Variants in RAB6B observed in about 807,000 individuals in gnomAD.
The protein encoded by RAB6B is ras-related protein Rab-6B.
In RAB6B, 7 loss-of-function variants were observed where a neutral mutation model predicts 31.2. The observed-to-expected ratio is 0.22, with a 90% CI of 0.13 to 0.42. RAB6B has a LOEUF of 0.42. Among genes scored for constraint, RAB6B ranks in the 10% least tolerant of loss-of-function variants. The pLI is 1.00. For missense variants in RAB6B, 149 were observed against 280.6 expected (o/e 0.53, Z 3.35); for synonymous variants, 105 against 104.9 (o/e 1.00, Z -0.01).
chr3:133,859,096 A>T (rs1936124264), intron 2 of RAB6B, among the ~76,000 whole-genome samples: 1 of 152,102 alleles, frequency 6.6e-6, no homozygotes, highest in African/African-American at 2.4e-5. Context: ...CTCCCATCTC[A>T]GCCTCCTGAG....
At chr3:133,863,091 G>A (rs1936186935) in intron 2 of RAB6B, among the ~76,000 whole-genome samples, 1 of 152,152 alleles carries the variant, frequency 6.6e-6, no homozygotes, top group Non-Finnish European at 1.5e-5. Flanking sequence ...GGCCCAGAGA[G>A]GATACAACAA....
chr3:133,888,942 G>A (rs759509696), intron 1 of RAB6B, among the ~76,000 whole-genome samples: 11 of 152,136 alleles, frequency 7.2e-5, no homozygotes, highest in South Asian at 2.1e-4. Context: ...ATTTCAGGGC[G>A]TGTCTGGTAC....
chr3:133,857,534 C>G (rs967567995), intron 2 of RAB6B, among the ~76,000 whole-genome samples: 1 of 152,072 alleles, frequency 6.6e-6, no homozygotes, highest in African/African-American at 2.4e-5. Context: ...GATCCTGTCC[C>G]ATCTCCCCCA....
chr3:133,856,288 C>T (rs1443363320), intron 2 of RAB6B, among the ~76,000 whole-genome samples: 1 of 151,842 alleles, frequency 6.6e-6, no homozygotes, highest in East Asian at 1.9e-4. Flanking sequence ...ATGTTAGAGC[C>T]TGGGCAGTGT....
intron 1 of RAB6B, among the ~76,000 whole-genome samples, chr3:133,876,732 T>G (rs1202429669): frequency 6.6e-6 from 1 of 152,104 alleles, no homozygotes; most frequent in Non-Finnish European, 1.5e-5. Flanking sequence ...CAGCAGAAAG[T>G]TCTCAAAAAG....
intron 1 of RAB6B, among the ~76,000 whole-genome samples, chr3:133,871,368 T>C (rs930316530): frequency 8.5e-5 from 13 of 152,174 alleles, no homozygotes; most frequent in African/African-American, 2.9e-4. Context: ...TGAGCCTTGA[T>C]TGATGGAGAT....
At chr3:133,835,651 A>G (rs1935724534) in intron 6 of RAB6B, among the ~76,000 whole-genome samples, 1 of 152,116 alleles carries the variant, frequency 6.6e-6, no homozygotes, top group Non-Finnish European at 1.5e-5. Context: ...GTCCCCCTGC[A>G]AATTCCTATG....
At chr3:133,870,879 G>C (rs969916447) in intron 1 of RAB6B, among the ~76,000 whole-genome samples, 8 of 152,228 alleles carry the variant, frequency 5.3e-5, no homozygotes, top group African/African-American at 1.9e-4. Flanking sequence ...GGGATGTCCA[G>C]AGGAGCTTGG....
chr3:133,874,061 G>A (rs1032907667), intron 1 of RAB6B, among the ~76,000 whole-genome samples: 2 of 152,212 alleles, frequency 1.3e-5, no homozygotes, highest in African/African-American at 4.8e-5. Context: ...TGGTCTTGCT[G>A]TCTCAAAAAT....
chr3:133,833,294 T>C (rs2692668), intron 7 of RAB6B, among the ~76,000 whole-genome samples: 126,114 of 152,092 alleles, frequency 0.83, 53,170 homozygotes, highest in African/African-American at 0.96. Context: ...TCAGTTTCCT[T>C]ATCTGTGATT....
At chr3:133,877,426 G>C (rs1340414870) in intron 1 of RAB6B, among the ~76,000 whole-genome samples, 1 of 152,238 alleles carries the variant, frequency 6.6e-6, no homozygotes, top group African/African-American at 2.4e-5. Context: ...AGAGTGGAAA[G>C]TCTCATCATT....
chr3:133,844,043 T>C (rs1296934513), intron 2 of RAB6B, among the ~76,000 whole-genome samples: 2 of 152,208 alleles, frequency 1.3e-5, no homozygotes, highest in Non-Finnish European at 2.9e-5. Flanking sequence ...AGGCACCTGA[T>C]GGTAATGCTA....
intron 1 of RAB6B, among the ~76,000 whole-genome samples, chr3:133,868,875 C>T (rs898311430): frequency 1.3e-4 from 20 of 152,260 alleles, no homozygotes; most frequent in Non-Finnish European, 2.8e-4. Context: ...ATCCTCATCA[C>T]GATCCAATGA....
chr3:133,846,445 T>C (rs1287045463), intron 2 of RAB6B, among the ~76,000 whole-genome samples: 1 of 151,990 alleles, frequency 6.6e-6, no homozygotes, highest in Non-Finnish European at 1.5e-5. Context: ...AGACTCTGTC[T>C]CCCAAAAAAT....
intron 2 of RAB6B, among the ~76,000 whole-genome samples, chr3:133,863,028 G>A (rs898112815): frequency 2.6e-5 from 4 of 152,138 alleles, no homozygotes; most frequent in African/African-American, 4.8e-5. Context: ...AATTCAAACC[G>A]ATCCAGTAGA....
chr3:133,837,231 C>A (rs1412344562), intron 6 of RAB6B, among the ~76,000 whole-genome samples: 1 of 152,158 alleles, frequency 6.6e-6, no homozygotes, highest in Non-Finnish European at 1.5e-5. Context: ...CTGGTTAATC[C>A]TATGGACTCC....
intron 1 of RAB6B, among the ~76,000 whole-genome samples, chr3:133,868,338 C>T (rs1030004354): frequency 6.6e-6 from 1 of 152,232 alleles, no homozygotes; most frequent in Non-Finnish European, 1.5e-5. Context: ...CCTGACCAGG[C>T]ACTCCCACTC....
In RAB6B at chr3:133,884,706, G is replaced by A. The variant is rs114939161; in HGVS notation, c.70+10691C>T. ...GGACGGGGGTGCTCACACACCCAGTGCCCAGAGGACAGGACACAAACACAC... is the reference window on the plus strand; with the variant it reads ...GGACGGGGGTGCTCACACACCCAGTACCCAGAGGACAGGACACAAACACAC... On this transcript the variant is annotated intron_variant, in intron 1 of 7. Transcript: ENST00000285208. Among the ~76,000 whole-genome samples the A allele has an allele frequency of 3.0e-3, 438 of 147,618 alleles. 1 individual carries two copies. The highest frequency in any genetic ancestry group is 0.01 in the African/African-American group (398 of 39,780).
chr3:133,894,627 T>C (rs544634838), intron 1 of RAB6B: 4 of 152,322 alleles, frequency 2.6e-5, no homozygotes, highest in African/African-American at 9.6e-5. Flanking sequence ...AGCCTCTCGG[T>C]GTGAGGTGCC....
Sources: allele counts gnomAD v4.1 joint callset (sites outside exome capture counted in the v4.1 genomes callset), GRCh38; gene constraint gnomAD v4.1.1; transcripts MANE v1.5; gene names NCBI Gene and HGNC (gene_info 2026-07-23, HGNC 2026-07-21).